Variants in CEP131 observed in about 807,000 individuals in gnomAD.
The protein encoded by CEP131 is centrosomal protein of 131 kDa.
In CEP131, 99 loss-of-function variants were observed where a neutral mutation model predicts 136.8. The ratio of observed to expected loss-of-function variants is 0.72; its 90% CI spans 0.62 to 0.86. The LOEUF (loss-of-function observed/expected upper bound fraction) is 0.86. CEP131 is among the 40% of genes least tolerant of loss of function. The pLI, the probability that CEP131 is intolerant of heterozygous loss-of-function variation, is 0.00. For synonymous variants in CEP131, 646 were observed against 612.7 expected (o/e 1.05, Z -0.80); for missense variants, 1,459 against 1,463.0 (o/e 1.00, Z 0.04).
At chr17:81,198,422 C>T (rs995184163) in intron 11 of CEP131, 125 bp from the exon 12 acceptor site, 4 of 1,046,352 alleles carry the variant, frequency 3.8e-6, no homozygotes, top group Non-Finnish European at 5.4e-6. Flanking sequence ...CATTCAGCCC[C>T]AGGAAGGTGA....
At chr17:81,202,550 T>A in intron 6 of CEP131, 152 bp from the exon 7 acceptor site, 1 of 863,326 alleles carries the variant, frequency 1.2e-6, no homozygotes, top group East Asian at 2.8e-5. Flanking sequence ...CAGCGGCAGG[T>A]GCGAGGCCGG....
intron 18 of CEP131, 44 bp from the exon 19 acceptor site, chr17:81,192,887 G>A: frequency 6.4e-7 from 1 of 1,570,558 alleles, no homozygotes; most frequent in Non-Finnish European, 8.6e-7. Flanking sequence ...GGGACGGGCG[G>A]TCCCAGGACC....
chr17:81,192,212 C>T lies in CEP131; in HGVS notation c.2622+106G>A, dbSNP rs1052956655. The T allele has an allele frequency of 4.8e-6, 5 of 1,050,700 alleles. No homozygotes were observed. In the African/African-American group the frequency reaches 4.8e-5, roughly 10 times the overall value. 65.1% of individuals were successfully genotyped at this position (1,050,700 alleles called of 1,614,324 possible). ...CCAGATGTGACTCCCAGAAACGAGC[C>T]CCCAGGATGCCACAGCAGCAGCAAA... On this transcript the variant is annotated intron_variant, in intron 21 of 25. Transcript: ENST00000450824.
chr17:81,198,880 C>G lies in CEP131; in HGVS notation c.1284G>C (p.Thr428=). 5 of 1,583,018 alleles carry G rather than the reference C, an allele frequency of 3.2e-6. No homozygotes were observed. Among genetic ancestry groups the G allele is most frequent in the Non-Finnish European group, 4.3e-6 (5 of 1,165,390 alleles). The change falls in exon 11 of 26, where the codon ACG becomes ACC. Residue 428 remains threonine (T), a synonymous_variant. Transcript: ENST00000450824. ...PEPQQPPEDR[T]QDVLAQDAAG... is the part of the protein sequence containing the mutation. Reference sequence around the variant, plus strand: ...TGAAGGACAGCTGTGCTCAGACCTGCGTCCTGTCCTCTGGAGGCTGCTGTG... The same window carrying G: ...TGAAGGACAGCTGTGCTCAGACCTGGGTCCTGTCCTCTGGAGGCTGCTGTG...
chr17:81,206,567 G>A (rs986817029), intron 5 of CEP131, among the ~76,000 whole-genome samples, 177 bp downstream of exon 5: 5 of 152,152 alleles, frequency 3.3e-5, no homozygotes, highest in South Asian at 2.1e-4. Context: ...TGTGCAAGAC[G>A]CCACCTGGCA....
chr17:81,201,358 C>A (rs1005503480), intron 7 of CEP131, among the ~76,000 whole-genome samples: 1 of 152,198 alleles, frequency 6.6e-6, no homozygotes, highest in African/African-American at 2.4e-5. Flanking sequence ...GAGGTACCCC[C>A]GCGACTGTCC....
In CEP131 at chr17:81,220,032, T is replaced by C. The variant is rs1206819657; in HGVS notation, c.25A>G (p.Ser9Gly). The stretch of plus-strand genomic sequence containing the variant: ...CCTGCTGGGCTGCGCTCCGGGACGC[T>C]GCCGATGGCCCGGGTGCCTTTCATG... MKGTRAIG[S>G]VPERSPAGVD... The change falls in exon 2 of 26, where the codon AGC (serine) becomes GGC (glycine). Residue 9 changes from serine (S) to glycine (G), a missense_variant. Transcript: ENST00000450824. 2 of 1,597,112 alleles carry C rather than the reference T, an allele frequency of 1.3e-6. No homozygotes were observed. Among genetic ancestry groups the C allele is most frequent in the Admixed American group, 1.7e-5 (1 of 58,278 alleles).
rs1567850127 is a variant in CEP131 at position 81,193,930 on chromosome 17, G to A, written c.2317C>T (p.Gln773Ter). Residue 773 changes from glutamine to a stop codon, truncating the protein, a stop_gained, in exon 18 of 26, where the codon CAG becomes TAG. Coordinates refer to ENST00000450824, the MANE Select transcript of CEP131 (RefSeq NM_014984.4). LOFTEE classifies it high-confidence loss of function. ...CGGCCTGGGGCCACCACCCACCGCT[G>A]CCGAGCACGTTCGCGCTCCTGCTGG... Reference protein sequence around the residue: ...LGQQERERARQRFQQHLEQEQ... With the variant: ...LGQQERERAR 4 of 1,534,802 alleles carry A rather than the reference G, an allele frequency of 2.6e-6. No homozygotes were observed. The highest frequency in any genetic ancestry group is 1.4e-5 in the African/African-American group (1 of 72,626).
chr17:81,203,567 C>T lies in CEP131; in HGVS notation c.556G>A (p.Val186Met). The change falls in exon 6 of 26, where the codon GTG becomes ATG. Residue 186 changes from valine to methionine, a missense_variant. Around this residue, in one of 3 missense-constraint regions of CEP131, gnomAD observed 246 missense variants for 318.9 expected, o/e 0.77. Transcript: ENST00000450824. This position sits in a 1 kb window ranked among gnomAD's most constrained non-coding sequence, Gnocchi z 4.6. ...GAVGNCVTTM[V>M]HNRYTPSERA... ...TCCGAGGGGGTGTAGCGGTTGTGCA[C>T]CATGGTGGTGACGCAGTTGCCCACT... 1.9e-6 allele frequency: 3 copies of T among 1,606,994 alleles called. No individual in the cohort carries two copies. Among genetic ancestry groups the T allele is most frequent in the Non-Finnish European group, 2.5e-6 (3 of 1,177,382 alleles).
chr17:81,199,480 G>C lies in CEP131; in HGVS notation c.1093C>G (p.Pro365Ala), dbSNP rs201264503. ...ATTCCTGGCACTCTGGTCTCCCTGG[G>C]ATTCTCAGGTGGCCCACGCTCGGCA... is the stretch of plus-strand genomic sequence containing the variant. ...STAERGPPEN[P>A]RETRVPGMRQ... Residue 365 changes from proline (P) to alanine (A), a missense_variant, in exon 10 of 26, where the codon CCC becomes GCC. Pro to Ala is a conservative substitution (Grantham distance 27). Around this residue, in one of 3 missense-constraint regions of CEP131, gnomAD observed 1,026 missense variants for 964.2 expected, o/e 1.06. Transcript: ENST00000450824. 3 of 1,609,408 alleles carry C rather than the reference G, an allele frequency of 1.9e-6. No homozygotes were observed. The highest frequency in any genetic ancestry group is 2.5e-6 in the Non-Finnish European group (3 of 1,178,736).
At chr17:81,221,662 C>T (rs946916493) in intron 1 of CEP131, among the ~76,000 whole-genome samples, 3 of 152,212 alleles carry the variant, frequency 2.0e-5, no homozygotes, top group Admixed American at 6.5e-5. Context: ...TCCTTGAGCA[C>T]CCATCACTCT....
At chr17:81,195,679 G>A (rs900988160) in intron 16 of CEP131, among the ~76,000 whole-genome samples, 156 bp downstream of exon 16, 16 of 152,090 alleles carry the variant, frequency 1.1e-4, no homozygotes, top group African/African-American at 2.4e-4. Flanking sequence ...TCGGTGCCAC[G>A]GTGCTCCCCC....
chr17:81,202,262 C>T lies in CEP131; in HGVS notation c.766G>A (p.Val256Met). Reference sequence around the variant, plus strand: ...CACCTCTCAGCCTCCTCCTCCGTCACCTCCTTCCGCCTGGGCAAGCCCGTG... The same window carrying T: ...CACCTCTCAGCCTCCTCCTCCGTCATCTCCTTCCGCCTGGGCAAGCCCGTG... ...GSTGLPRRKE[V>M]TEEEAERFIH... The change falls in exon 7 of 26, where the codon GTG becomes ATG. Residue 256 changes from valine to methionine, a missense_variant. Physicochemically the swap from Val to Met is conservative, Grantham distance 21. Transcript: ENST00000450824. 2 of 1,609,256 alleles carry T rather than the reference C, an allele frequency of 1.2e-6. No homozygotes were observed. The highest frequency in any genetic ancestry group is 1.7e-6 in the Non-Finnish European group (2 of 1,177,744).
intron 2 of CEP131, among the ~76,000 whole-genome samples, chr17:81,214,517 T>C (rs1360724365): frequency 6.6e-6 from 1 of 151,674 alleles, no homozygotes; most frequent in South Asian, 2.1e-4. Flanking sequence ...AATCACACCA[T>C]TGCACTCCAG....
intron 16 of CEP131, 24 bp from the exon 17 acceptor site, chr17:81,194,996 G>A (rs2146522466): frequency 1.3e-6 from 2 of 1,579,922 alleles, no homozygotes; most frequent in Non-Finnish European, 1.7e-6. Context: ...AGGGCAGGAG[G>A]AAACGACACG....
intron 7 of CEP131, 77 bp downstream of exon 7, chr17:81,202,163 A>C: frequency 8.4e-5 from 23 of 273,134 alleles, no homozygotes; most frequent in Non-Finnish European, 1.4e-4. Context: ...CGGAGGTGTG[A>C]GCCCCCCAGA....
Position 81,192,352 on chromosome 17 carries a change from C to T in CEP131, c.2588G>A (p.Arg863Lys). The part of the protein sequence containing the change: ...NTLKQQLELE[R>K]QAWEAGRTRK... ...GGTGCGGCCGGCCTCCCACGCCTGC[C>T]TCTCCAGCTCCAGCTGCTGCTTCAG... The change falls in exon 21 of 26, where the codon AGG becomes AAG. Residue 863 changes from arginine (R) to lysine (K), a missense_variant. Transcript: ENST00000450824. 1 of 1,585,274 alleles carries T rather than the reference C, an allele frequency of 6.3e-7. No homozygotes were observed.
intron 3 of CEP131, among the ~76,000 whole-genome samples, chr17:81,207,924 CA>C (rs1260757005): frequency 9.1e-3 from 1 of 110 alleles, no homozygotes; most frequent in Non-Finnish European, 0.023. Flanking sequence ...ACATAACACA[CA>C]CACCACACAC....
In CEP131 at chr17:81,195,028, C is replaced by G. The variant is rs564725975; in HGVS notation, c.2017-56G>C. Reference sequence around the variant, plus strand: ...CACGAAGGACACCCCCGTCCCTTTGCCACCCTGTGGGCACAGTCAGGGCCG... The same window carrying G: ...CACGAAGGACACCCCCGTCCCTTTGGCACCCTGTGGGCACAGTCAGGGCCG... On this transcript the variant is annotated intron_variant, in intron 16 of 25. Transcript: ENST00000450824. 1.2e-5 allele frequency: 17 copies of G among 1,401,008 alleles called. No individual in the cohort carries two copies. In the African/African-American group the frequency reaches 2.4e-4, roughly 20 times the overall value. 86.8% of individuals were successfully genotyped at this position (1,401,008 alleles called of 1,614,324 possible).
Sources: allele counts gnomAD v4.1 joint callset (sites outside exome capture counted in the v4.1 genomes callset), GRCh38; gene constraint gnomAD v4.1.1; regional missense constraint gnomAD v4.1.1; non-coding constraint Gnocchi (gnomAD v3.1); transcripts MANE v1.5; gene names NCBI Gene and HGNC (gene_info 2026-07-23, HGNC 2026-07-21).